PRKAR2A: variants seen among roughly 807,000 people sequenced by gnomAD.
PRKAR2A encodes protein kinase cAMP-dependent type II regulatory subunit alpha, also known as cAMP-dependent protein kinase type II-alpha regulatory subunit.
In PRKAR2A, 29 loss-of-function variants were observed where a neutral mutation model predicts 51.9. The observed-to-expected ratio is 0.56, with a 90% CI of 0.42 to 0.76. The LOEUF (loss-of-function observed/expected upper bound fraction) is 0.76. PRKAR2A is among the 30% of genes least tolerant of loss of function. The pLI, the probability that PRKAR2A is intolerant of heterozygous loss-of-function variation, is 0.00. For missense variants in PRKAR2A, 445 were observed against 512.1 expected (o/e 0.87, Z 1.26); for synonymous variants, 178 against 186.2 (o/e 0.96, Z 0.36).
chr3:48,813,405 T>TA (rs34930159), intron 1 of PRKAR2A, among the ~76,000 whole-genome samples: 11,477 of 151,144 alleles, frequency 0.076, 571 homozygotes, highest in Middle Eastern at 0.11. Context: ...CCTGTCTCTT[T>TA]AAAAAAAAGG....
chr3:48,765,399 T>A (rs755509453), intron 6 of PRKAR2A, 50 bp from the exon 7 acceptor site: 2 of 1,303,330 alleles, frequency 1.5e-6, no homozygotes, highest in Admixed American at 2.3e-5. Flanking sequence ...TACAGGAACA[T>A]CTATGGTTTA....
intron 3 of PRKAR2A, among the ~76,000 whole-genome samples, chr3:48,791,903 C>CAAAAA (rs1177374619): frequency 4.3e-4 from 18 of 41,892 alleles, no homozygotes; most frequent in African/African-American, 5.8e-4. Flanking sequence ...AACTCTGTCT[C>CAAAAA]AAAAAAAAAA....
intron 6 of PRKAR2A, among the ~76,000 whole-genome samples, chr3:48,768,838 C>T (rs1266659370): frequency 6.6e-6 from 1 of 151,952 alleles, no homozygotes; most frequent in Non-Finnish European, 1.5e-5. Context: ...ATGGCTCACG[C>T]CTGTAATCCC....
At position 48,777,819 on chromosome 3, in the gene PRKAR2A, G is replaced by A. The variant is rs9882667; in HGVS notation, c.543-4711C>T. On this transcript the variant is annotated intron_variant, in intron 5 of 10. Coordinates refer to ENST00000265563, the MANE Select transcript of PRKAR2A (RefSeq NM_004157.4). ...GAATGTGCCACCAACCCTGCTCTCA[G>A]GGGAGCTTACCACTCAGTAGGGAAG... is the stretch of plus-strand genomic sequence containing the variant. Among the ~76,000 whole-genome samples, 317 of 152,234 alleles carry A rather than the reference G, an allele frequency of 2.1e-3. 1 individual carries two copies. Among genetic ancestry groups the A allele is most frequent in the African/African-American group, 7.4e-3 (307 of 41,554 alleles).
chr3:48,793,481 C>T (rs2082426097), intron 3 of PRKAR2A, among the ~76,000 whole-genome samples: 1 of 152,110 alleles, frequency 6.6e-6, no homozygotes, highest in Non-Finnish European at 1.5e-5. Flanking sequence ...CTACATTGCC[C>T]AGGCTAGTCT....
At chr3:48,794,103 T>C in intron 2 of PRKAR2A, 54 bp from the exon 3 acceptor site, 1 of 1,313,192 alleles carries the variant, frequency 7.6e-7, no homozygotes, top group Non-Finnish European at 1.1e-6. Flanking sequence ...TGTGTGGCTT[T>C]AGGAAAAATA....
intron 1 of PRKAR2A, among the ~76,000 whole-genome samples, chr3:48,835,046 A>G (rs374813054): frequency 6.7e-6 from 1 of 148,730 alleles, no homozygotes; most frequent in African/African-American, 2.5e-5. Flanking sequence ...ATCTCAGGTC[A>G]CTGCAATTTC....
At chr3:48,845,755 T>C (rs2083451597) in intron 1 of PRKAR2A, among the ~76,000 whole-genome samples, 1 of 152,158 alleles carries the variant, frequency 6.6e-6, no homozygotes, top group Admixed American at 6.6e-5. Flanking sequence ...AAGACCAGCC[T>C]GGGCAACACA....
Position 48,847,657 on chromosome 3 carries a change from A to G in PRKAR2A, c.-61T>C. 5.8e-6 allele frequency: 8 copies of G among 1,379,102 alleles called. No individual in the cohort carries two copies. Among genetic ancestry groups the G allele is most frequent in the East Asian group, 3.0e-5 (1 of 33,088 alleles). The allele number at this position is 1,379,102 out of a possible 1,614,324, so 85.4% of individuals were successfully genotyped here. A position where few individuals can be genotyped will look rare whatever the true frequency, so the allele number is the denominator to read the frequency against. On this transcript the variant is annotated 5_prime_UTR_variant, in exon 1 of 11. Transcript: ENST00000265563. The surrounding 1 kb of genome is among the most constrained non-coding windows in gnomAD (Gnocchi z 4.4). ...GCCGGCGGCCACTGTCTCCGCGCTCACTCACGCCGGCCTTTCGCTCCGCGC... is the reference window on the plus strand; with the variant it reads ...GCCGGCGGCCACTGTCTCCGCGCTCGCTCACGCCGGCCTTTCGCTCCGCGC...
At chr3:48,830,463 A>G (rs2083170563) in intron 1 of PRKAR2A, among the ~76,000 whole-genome samples, 1 of 152,232 alleles carries the variant, frequency 6.6e-6, no homozygotes, top group African/African-American at 2.4e-5. Context: ...TTTTTTAGTA[A>G]GTAGAAGGTA....
In PRKAR2A at chr3:48,749,929, G is replaced by A. The variant is rs938476235; in HGVS notation, c.*1656C>T. ...TTTTTTTAAGAGACAGGGTCTCACT[G>A]TGTCACCCAGACTGGAGTGCAGTGG... On this transcript the variant is annotated 3_prime_UTR_variant, in exon 11 of 11. Coordinates refer to ENST00000265563, the MANE Select transcript of PRKAR2A (RefSeq NM_004157.4). The A allele has an allele frequency of 6.7e-6, 1 of 148,378 alleles. No individual in the cohort carries two copies. Among genetic ancestry groups the A allele is most frequent in the Non-Finnish European group, 1.5e-5 (1 of 67,388 alleles). 9.2% of individuals were successfully genotyped at this position (148,378 alleles called of 1,614,324 possible). A position where few individuals can be genotyped will look rare whatever the true frequency, so the allele number is the denominator to read the frequency against.
chr3:48,836,350 C>T (rs1003616836), intron 1 of PRKAR2A, among the ~76,000 whole-genome samples: 1 of 144,478 alleles, frequency 6.9e-6, no homozygotes, highest in Non-Finnish European at 1.5e-5. Context: ...ACCCAGGAGG[C>T]GGAGGTTGCA....
At chr3:48,781,879 C>T (rs1575870221) in intron 5 of PRKAR2A, among the ~76,000 whole-genome samples, 1 of 152,092 alleles carries the variant, frequency 6.6e-6, no homozygotes. Context: ...CTCCGGACCT[C>T]AAGAGATCCA....
intron 6 of PRKAR2A, among the ~76,000 whole-genome samples, chr3:48,765,627 GCTCA>G (rs1559606596): frequency 1.4e-5 from 2 of 145,432 alleles, no homozygotes; most frequent in Non-Finnish European, 3.0e-5. Context: ...ACATTTATGA[GCTCA>G]CTGTCACTGT....
chr3:48,805,274 A>G (rs2107353588), intron 2 of PRKAR2A, among the ~76,000 whole-genome samples: 1 of 152,302 alleles, frequency 6.6e-6, no homozygotes, highest in South Asian at 2.1e-4. Context: ...GGAAGCAGCC[A>G]AGAGAATCAA....
chr3:48,764,348 C>G (rs574194587), intron 8 of PRKAR2A, among the ~76,000 whole-genome samples: 34 of 152,226 alleles, frequency 2.2e-4, no homozygotes, highest in African/African-American at 7.7e-4. Context: ...TTAGATTAGC[C>G]AAAAGGATGC....
At chr3:48,798,669 T>G (rs2082536785) in intron 2 of PRKAR2A, among the ~76,000 whole-genome samples, 1 of 151,550 alleles carries the variant, frequency 6.6e-6, no homozygotes, top group Admixed American at 6.6e-5. Flanking sequence ...TTTAATTTTT[T>G]TTTTTTTTTT....
chr3:48,825,182 T>C, intron 1 of PRKAR2A, among the ~76,000 whole-genome samples: 1 of 151,374 alleles, frequency 6.6e-6, no homozygotes. Context: ...ATTACAGGCA[T>C]ACACTGCCAC....
At chr3:48,846,481 T>G (rs2083464760) in intron 1 of PRKAR2A, among the ~76,000 whole-genome samples, 1 of 151,604 alleles carries the variant, frequency 6.6e-6, no homozygotes, top group South Asian at 2.1e-4. Context: ...CCTCCCAAAG[T>G]GCTGGGACTA....
Sources: gnomAD v4.1 joint callset for allele counts (sites outside exome capture counted in the v4.1 genomes callset) on GRCh38, gnomAD v4.1.1 for gene constraint, Gnocchi (gnomAD v3.1) non-coding constraint, MANE v1.5 for transcripts, NCBI Gene and HGNC (gene_info 2026-07-23, HGNC 2026-07-21) for gene names.